The following TRAPPC9 variants were observed in gnomAD, a reference collection of about 807,000 sequenced individuals.
TRAPPC9 encodes the protein IKK2 binding protein.
TRAPPC9 carries 83 observed loss-of-function variants against 124.0 expected under a neutral mutation model. The ratio of observed to expected loss-of-function variants is 0.67; its 90% CI spans 0.56 to 0.80. TRAPPC9 has a LOEUF of 0.80. Among genes scored for constraint, TRAPPC9 ranks in the 30% least tolerant of loss-of-function variants. The probability of loss-of-function intolerance (pLI) is 0.00; values close to 1 mark genes in which losing one functional copy is unlikely to be tolerated. For missense variants in TRAPPC9, 1,302 were observed against 1,508.3 expected (o/e 0.86, Z 2.27); for synonymous variants, 638 against 617.5 (o/e 1.03, Z -0.49).
chr8:140,076,896 T>C (rs1275787044), intron 17 of TRAPPC9, among the ~76,000 whole-genome samples: 2 of 152,202 alleles, frequency 1.3e-5, no homozygotes, highest in Non-Finnish European at 2.9e-5. Context: ...CTGGGTACAA[T>C]AGTTCACATC....
chr8:140,311,448 G>A (rs2066296534), intron 9 of TRAPPC9, 74 bp from the exon 10 acceptor site: 2 of 1,571,742 alleles, frequency 1.3e-6, no homozygotes, highest in South Asian at 1.1e-5. Flanking sequence ...TTTTACTTGG[G>A]GCATTTCATG....
At chr8:139,903,139 T>C (rs1412985820) in intron 20 of TRAPPC9, among the ~76,000 whole-genome samples, 2 of 152,138 alleles carry the variant, frequency 1.3e-5, no homozygotes, top group South Asian at 2.1e-4. Flanking sequence ...TGTACTGAGA[T>C]CATGGTTACA....
chr8:140,103,889 T>C (rs2060622246), intron 17 of TRAPPC9, among the ~76,000 whole-genome samples: 1 of 152,228 alleles, frequency 6.6e-6, no homozygotes, highest in African/African-American at 2.4e-5. Context: ...CTGTGTTCTT[T>C]CCATCACTCC....
At chr8:140,120,819 ACATCCATC>A (rs201792498) in intron 17 of TRAPPC9, among the ~76,000 whole-genome samples, 1 of 143,580 alleles carries the variant, frequency 7.0e-6, no homozygotes, top group South Asian at 2.3e-4. Flanking sequence ...CATCCATCTA[ACATCCATC>A]CATCCATCCA....
intron 19 of TRAPPC9, among the ~76,000 whole-genome samples, chr8:139,948,447 A>G (rs1834417952): frequency 6.6e-6 from 1 of 152,212 alleles, no homozygotes; most frequent in Non-Finnish European, 1.5e-5. Flanking sequence ...CTCTAAGGCT[A>G]GAGGACATCT....
intron 17 of TRAPPC9, among the ~76,000 whole-genome samples, chr8:140,108,848 G>A (rs889759516): frequency 2.4e-4 from 36 of 152,112 alleles, no homozygotes; most frequent in African/African-American, 8.7e-4. Flanking sequence ...TGTATTTGGG[G>A]GATCTGTGAA....
chr8:139,920,364 A>G (rs1832434006), intron 19 of TRAPPC9, among the ~76,000 whole-genome samples: 1 of 152,234 alleles, frequency 6.6e-6, no homozygotes, highest in Non-Finnish European at 1.5e-5. Flanking sequence ...CAAAACAAAC[A>G]AACAAAGATT....
chr8:140,083,858 G>T (rs998566699), intron 17 of TRAPPC9, among the ~76,000 whole-genome samples: 1 of 152,056 alleles, frequency 6.6e-6, no homozygotes, highest in Non-Finnish European at 1.5e-5. Flanking sequence ...GTAGAGATGG[G>T]GTTTCACCAT....
At chr8:140,159,530 G>A (rs1053079830) in intron 17 of TRAPPC9, among the ~76,000 whole-genome samples, 1 of 152,116 alleles carries the variant, frequency 6.6e-6, no homozygotes, top group African/African-American at 2.4e-5. Context: ...AGGCAAGGAA[G>A]AAAGAGAGTA....
At chr8:139,763,665 T>C (rs912518320) in intron 21 of TRAPPC9, among the ~76,000 whole-genome samples, 2 of 151,906 alleles carry the variant, frequency 1.3e-5, no homozygotes, top group African/African-American at 4.8e-5. Context: ...TGCACACACA[T>C]GCACGCACGC....
intron 17 of TRAPPC9, among the ~76,000 whole-genome samples, chr8:140,176,605 A>T (rs1316210071): frequency 6.6e-6 from 1 of 152,212 alleles, no homozygotes; most frequent in Non-Finnish European, 1.5e-5. Context: ...GGCTATTATG[A>T]ATAAAGCTGC....
At chr8:140,083,639 T>G (rs767239212) in intron 17 of TRAPPC9, among the ~76,000 whole-genome samples, 9 of 149,202 alleles carry the variant, frequency 6.0e-5, no homozygotes, top group Non-Finnish European at 1.3e-4. Flanking sequence ...ACAGAAGGGT[T>G]TGGTGTTTTT....
chr8:140,450,519 CCCA>C (rs2132700787), intron 2 of TRAPPC9, among the ~76,000 whole-genome samples: 1 of 152,156 alleles, frequency 6.6e-6, no homozygotes, highest in Non-Finnish European at 1.5e-5. Context: ...CTCCAGGAGT[CCCA>C]CGAGGGGAGC....
intron 7 of TRAPPC9, among the ~76,000 whole-genome samples, chr8:140,378,629 A>C (rs917206991): frequency 2.0e-5 from 3 of 152,114 alleles, no homozygotes; most frequent in Non-Finnish European, 2.9e-5. Context: ...TGACTAATAC[A>C]CCTTCCAACA....
chr8:140,003,645 G>T (rs1290327200), intron 18 of TRAPPC9, among the ~76,000 whole-genome samples: 1 of 146,076 alleles, frequency 6.8e-6, no homozygotes, highest in Non-Finnish European at 1.5e-5. Context: ...ACCACAGGAA[G>T]ATATCACTAT....
At chr8:140,220,887 C>T (rs2063324338) in intron 17 of TRAPPC9, among the ~76,000 whole-genome samples, 1 of 152,192 alleles carries the variant, frequency 6.6e-6, no homozygotes, top group African/African-American at 2.4e-5. Context: ...ACACGCTGTC[C>T]CTGGGCCAGC....
At chr8:139,790,599 A>G (rs1367581788) in intron 21 of TRAPPC9, among the ~76,000 whole-genome samples, 1 of 152,188 alleles carries the variant, frequency 6.6e-6, no homozygotes, top group Non-Finnish European at 1.5e-5. Context: ...GCTGGTTGTC[A>G]CATCTGGTGG....
In TRAPPC9 at chr8:140,024,043, C is replaced by G. The variant is rs1336756301; in HGVS notation, c.2593G>C (p.Gly865Arg). ...TAATATCCTTCAGTGTGGCCCGGGC[C>G]TCCAGAGTATTTGAAATTCAGGACA... ...EAVLNFKYSGGPGHTEGYYRN... is the reference protein window; with the variant it reads ...EAVLNFKYSGRPGHTEGYYRN... The change falls in exon 18 of 23, where the codon GGC becomes CGC. Residue 865 changes from glycine (G) to arginine (R), a missense_variant. Physicochemically the swap from Gly to Arg is moderately radical, Grantham distance 125 (BLOSUM62 -2). Around this residue, in one of 3 missense-constraint regions of TRAPPC9, gnomAD observed 640 missense variants for 679.3 expected, o/e 0.94. Transcript: ENST00000438773. 6.2e-7 allele frequency: 1 copy of G among 1,613,834 alleles called. No homozygotes were observed. Among genetic ancestry groups the G allele is most frequent in the Non-Finnish European group, 8.5e-7 (1 of 1,180,018 alleles).
chr8:140,053,354 A>C (rs981280854), intron 17 of TRAPPC9, among the ~76,000 whole-genome samples: 1 of 152,232 alleles, frequency 6.6e-6, no homozygotes, highest in African/African-American at 2.4e-5. Context: ...TAATTGGCAC[A>C]CATTTGTGAA....
Sources: allele counts gnomAD v4.1 joint callset (sites outside exome capture counted in the v4.1 genomes callset), GRCh38; gene constraint gnomAD v4.1.1; regional missense constraint gnomAD v4.1.1; transcripts MANE v1.5; gene names NCBI Gene and HGNC (gene_info 2026-07-23, HGNC 2026-07-21).